Variants in DPY19L2 observed in about 807,000 individuals in gnomAD.
The protein encoded by DPY19L2 is dpy-19 like 2, also known as probable C-mannosyltransferase DPY19L2.
A neutral mutation model predicts 97.9 loss-of-function variants in DPY19L2; 34 were observed. The ratio of observed to expected loss-of-function variants is 0.35; its 90% confidence interval spans 0.26 to 0.46. DPY19L2 has a LOEUF of 0.46. Ranked by LOEUF, DPY19L2 falls within the 20% of genes least tolerant of loss-of-function variation. DPY19L2 has a pLI of 1.00. For synonymous variants in DPY19L2, 230 were observed against 307.9 expected, an observed-to-expected ratio of 0.75 and a Z score of 2.65; for missense variants, 623 against 911.4, an observed-to-expected ratio of 0.68 and a Z score of 4.07.
chr12:63,622,896 C>G (rs1888917003), intron 8 of DPY19L2, among the ~76,000 whole-genome samples: 1 of 152,096 alleles, frequency 6.6e-6, no homozygotes, highest in Non-Finnish European at 1.5e-5. Context: ...TGCACTCCAG[C>G]CTGGGTGACA....
At chr12:63,664,656 C>T (rs1689200955) in intron 2 of DPY19L2, among the ~76,000 whole-genome samples, 3 of 152,152 alleles carry the variant, frequency 2.0e-5, no homozygotes, top group Admixed American at 2.0e-4. Flanking sequence ...TAGTGAAACT[C>T]AACAGCTGTC....
intron 3 of DPY19L2, 21 bp from the exon 4 acceptor site, chr12:63,661,502 A>G: frequency 6.7e-7 from 1 of 1,500,790 alleles, no homozygotes; most frequent in South Asian, 1.3e-5. Context: ...AAAAAGACAT[A>G]TATTGTCAAT....
intron 16 of DPY19L2, among the ~76,000 whole-genome samples, chr12:63,589,357 CAAAAAAAAAAAAAAAAAAAAAAA>C (rs71086687): frequency 1.6e-4 from 3 of 18,986 alleles, no homozygotes; most frequent in Non-Finnish European, 3.1e-4. Context: ...AAATGTGTTG[CAAAAAAAAAAAAAAAAAAAAAAA>C]AAAAAAAAAA....
intron 6 of DPY19L2, among the ~76,000 whole-genome samples, chr12:63,628,530 C>T (rs1565795624): frequency 6.6e-6 from 1 of 152,136 alleles, no homozygotes; most frequent in African/African-American, 2.4e-5. Flanking sequence ...GGGGCACCCA[C>T]CATGGCCAAG....
intron 16 of DPY19L2, 135 bp downstream of exon 16, chr12:63,593,952 T>G (rs868466901): frequency 7.3e-6 from 4 of 547,584 alleles, no homozygotes; most frequent in Middle Eastern, 5.0e-4. Context: ...AAGGAAACAT[T>G]TAAGTTTGGC....
At chr12:63,622,784 G>A (rs1888895131) in intron 8 of DPY19L2, among the ~76,000 whole-genome samples, 1 of 152,050 alleles carries the variant, frequency 6.6e-6, no homozygotes, top group South Asian at 2.1e-4. Flanking sequence ...AAATTAGCTG[G>A]GGATGGTGGC....
At chr12:63,632,893 C>G (rs950036484) in intron 6 of DPY19L2, among the ~76,000 whole-genome samples, 8 of 152,000 alleles carry the variant, frequency 5.3e-5, no homozygotes, top group African/African-American at 1.9e-4. Context: ...CAGAACAGAG[C>G]CCTCAGAAAT....
chr12:63,561,906 C>T (rs1203146702), intron 21 of DPY19L2, among the ~76,000 whole-genome samples: 1 of 152,144 alleles, frequency 6.6e-6, no homozygotes, highest in Non-Finnish European at 1.5e-5. Context: ...TCCATTTCCA[C>T]CAACAATGCA....
At chr12:63,650,382 C>CT (rs1894035825) in intron 4 of DPY19L2, among the ~76,000 whole-genome samples, 1 of 152,042 alleles carries the variant, frequency 6.6e-6, no homozygotes, top group Non-Finnish European at 1.5e-5. Flanking sequence ...TTCACACTAT[C>CT]TTTTTTGTAA....
chr12:63,633,392 A>G (rs1000972668), intron 6 of DPY19L2, among the ~76,000 whole-genome samples: 1 of 152,226 alleles, frequency 6.6e-6, no homozygotes, highest in Non-Finnish European at 1.5e-5. Context: ...CCCCATCAAA[A>G]AGTGGGTGAA....
At chr12:63,641,193 T>G (rs1452604149) in intron 6 of DPY19L2, among the ~76,000 whole-genome samples, 1 of 152,100 alleles carries the variant, frequency 6.6e-6, no homozygotes, top group Non-Finnish European at 1.5e-5. Context: ...AGTGAGCCAC[T>G]GCTCCCAGCC....
rs1880747079 is a variant in DPY19L2, at chr12:63,580,836, G to T, written c.1726C>A (p.Leu576Ile). The T allele has an allele frequency of 6.2e-7, 1 of 1,610,568 alleles. No individual in the cohort carries two copies. The highest frequency in any genetic ancestry group is 8.5e-7 in the Non-Finnish European group (1 of 1,178,848). The change falls in exon 19 of 22, where the codon CTC (leucine) becomes ATC (isoleucine). Residue 576 changes from leucine (L) to isoleucine (I), a missense_variant and splice_region_variant. This residue lies in a region of DPY19L2 where 294 missense variants were observed against 446.2 expected (regional missense o/e 0.66). Coordinates refer to ENST00000324472, the MANE Select transcript of DPY19L2 (RefSeq NM_173812.5). ...VMASLICSRQ[L>I]FGWLFRRVRF... is the part of the protein sequence containing the mutation. ...ACTCTGCGAAAAAGCCAGCCAAAGA[G>T]CTGAAACGAAAGAAACCGTTTATTT...
chr12:63,613,103 C>T (rs928598901), intron 11 of DPY19L2, among the ~76,000 whole-genome samples: 3 of 152,030 alleles, frequency 2.0e-5, no homozygotes, highest in Non-Finnish European at 4.4e-5. Flanking sequence ...GGATTTTACA[C>T]AAATTCTTCA....
intron 4 of DPY19L2, among the ~76,000 whole-genome samples, chr12:63,652,583 T>A (rs1477795384): frequency 2.6e-5 from 4 of 152,134 alleles, no homozygotes; most frequent in Non-Finnish European, 5.9e-5. Flanking sequence ...CCCATGAATA[T>A]TATGCAGCCA....
At chr12:63,640,516 T>C (rs1207749005) in intron 6 of DPY19L2, among the ~76,000 whole-genome samples, 25 of 152,290 alleles carry the variant, frequency 1.6e-4, no homozygotes, top group African/African-American at 6.0e-4. Context: ...GCGGAATATC[T>C]ACCTTCCCAG....
intron 6 of DPY19L2, among the ~76,000 whole-genome samples, chr12:63,627,423 C>T (rs1889751493): frequency 6.6e-6 from 1 of 152,144 alleles, no homozygotes; most frequent in Non-Finnish European, 1.5e-5. Flanking sequence ...GATCTCGGCT[C>T]ACTGCAACCT....
intron 6 of DPY19L2, among the ~76,000 whole-genome samples, chr12:63,627,123 T>C (rs932746767): frequency 1.3e-5 from 2 of 152,248 alleles, no homozygotes; most frequent in Admixed American, 1.3e-4. Context: ...AGAGTCTAGA[T>C]CACATCCTTT....
At chr12:63,583,883 C>T (rs1881353141) in intron 16 of DPY19L2, 47 bp from the exon 17 acceptor site, 1 of 1,496,728 alleles carries the variant, frequency 6.7e-7, no homozygotes, top group African/African-American at 1.4e-5. Flanking sequence ...GTCTTTTATA[C>T]TATGAATACA....
At chr12:63,630,636 T>C (rs1323823417) in intron 6 of DPY19L2, among the ~76,000 whole-genome samples, 9 of 152,004 alleles carry the variant, frequency 5.9e-5, no homozygotes, top group Non-Finnish European at 1.2e-4. Flanking sequence ...TAACACCCCA[T>C]TGTCAATATT....
Sources: allele counts gnomAD v4.1 joint callset (sites outside exome capture counted in the v4.1 genomes callset), GRCh38; gene constraint gnomAD v4.1.1; regional missense constraint gnomAD v4.1.1; transcripts MANE v1.5; gene names NCBI Gene and HGNC (gene_info 2026-07-23, HGNC 2026-07-21).